Variants in KRT74 observed in about 807,000 individuals in gnomAD.
The protein encoded by KRT74 is keratin, type II cytoskeletal 74.
A neutral mutation model predicts 42.7 loss-of-function variants in KRT74; 43 were observed. That is an observed-to-expected ratio of 1.01 (90% confidence interval 0.79 to 1.30). The LOEUF is 1.30. Ranked by LOEUF, KRT74 falls within the 50% of genes most tolerant of loss-of-function variation. The pLI is 0.00. For synonymous variants in KRT74, 302 were observed against 279.0 expected (o/e 1.08, Z -0.82); for missense variants, 736 against 689.1 (o/e 1.07, Z -0.76).
intron 8 of KRT74, 43 bp from the exon 9 acceptor site, chr12:52,567,211 A>G (rs1939397018): frequency 1.4e-6 from 2 of 1,481,406 alleles, no homozygotes. Context: ...AGCAGTGTCA[A>G]TCAGCAGATA....
At chr12:52,567,959 G>A (rs1939407848) in intron 7 of KRT74, among the ~76,000 whole-genome samples, 1 of 151,688 alleles carries the variant, frequency 6.6e-6, no homozygotes, top group South Asian at 2.1e-4. Context: ...GTCTGTCTGA[G>A]CCCCCGGTTC....
Position 52,572,561 on chromosome 12 carries a change from C to T in KRT74, c.578G>A (p.Gly193Asp), listed in dbSNP as rs749749270. ...CKKNLEPILE[G>D]YISNLRKQLE... is the part of the protein sequence containing the mutation. ...CTGCTTCCGCAGGTTGCTGATGTAG[C>T]CCTCAAGGATGGGCTCCAGGTTCTT... Residue 193 changes from glycine to aspartate, a missense_variant, in exon 2 of 9, where the codon GGC becomes GAC. Physicochemically the swap from Gly to Asp is moderately conservative, Grantham distance 94. Transcript: ENST00000305620. The T allele has an allele frequency of 6.2e-7, 1 of 1,614,224 alleles. No individual in the cohort carries two copies. The highest frequency in any genetic ancestry group is 8.5e-7 in the Non-Finnish European group (1 of 1,180,042).
Position 52,566,750 on chromosome 12 carries a change from A to G in KRT74, c.*219T>C. On this transcript the variant is annotated 3_prime_UTR_variant, in exon 9 of 9. Coordinates refer to ENST00000305620, the MANE Select transcript of KRT74 (RefSeq NM_175053.4). ...CTCCTGCCAGCCAAAGGCAGCGAGG[A>G]AAATGAGAAGTCGTTAGTCCACATG... 1 of 435,086 alleles carries G rather than the reference A, an allele frequency of 2.3e-6. No homozygotes were observed. 27.0% of individuals were successfully genotyped at this position (435,086 alleles called of 1,614,324 possible).
chr12:52,571,836 C>T, intron 3 of KRT74, 108 bp downstream of exon 3: 2 of 840,194 alleles, frequency 2.4e-6, no homozygotes, highest in Non-Finnish European at 2.1e-6. Context: ...CACCAGCCCC[C>T]TCACCAGGCA....
chr12:52,567,062 C>G lies in KRT74; in HGVS notation c.1497G>C (p.Gln499His). Residue 499 changes from glutamine (Q) to histidine (H), a missense_variant, in exon 9 of 9, where the codon CAG (glutamine) becomes CAC (histidine). Physicochemically the swap from Gln to His is conservative, Grantham distance 24. Transcript: ENST00000305620. ...AGSSGSTQSG[Q>H]TKTTEARGGD... is the part of the protein sequence containing the mutation. The stretch of plus-strand genomic sequence containing the variant: ...CCCCTCGCGCCTCTGTGGTCTTGGT[C>G]TGCCCGCTCTGGGTGCTGCCAGAGC... The G allele has an allele frequency of 6.3e-7, 1 of 1,595,132 alleles. No homozygotes were observed. Among genetic ancestry groups the G allele is most frequent in the South Asian group, 1.1e-5 (1 of 89,476 alleles).
Position 52,568,215 on chromosome 12 carries a change from T to A in KRT74, c.1309A>T (p.Met437Leu). ...AGCTTGCGGTAGGTGGCAATCTCCA[T>A]GTCCAGGGCCAGTTTCAGGCTCATG... ...ELMSLKLALD[M>L]EIATYRKLLE... The change falls in exon 7 of 9, where the codon ATG becomes TTG. Residue 437 changes from methionine (M) to leucine (L), a missense_variant. Physicochemically the swap from Met to Leu is conservative, Grantham distance 15 (BLOSUM62 2). Coordinates refer to ENST00000305620, the MANE Select transcript of KRT74 (RefSeq NM_175053.4). 6.2e-7 allele frequency: 1 copy of A among 1,614,208 alleles called. No homozygotes were observed. Among genetic ancestry groups the A allele is most frequent in the Non-Finnish European group, 8.5e-7 (1 of 1,180,022 alleles).
In KRT74 at chr12:52,569,607, C is replaced by T. The variant is rs910282683; in HGVS notation, c.1134+252G>A. On this transcript the variant is annotated intron_variant, in intron 6 of 8. Coordinates refer to ENST00000305620, the MANE Select transcript of KRT74 (RefSeq NM_175053.4). ...GGGGGCTCTGGGAAAGTCCCTTCCCCTTCCCAGCCCAGTTGCTTTATCTGC... is the reference window on the plus strand; with the variant it reads ...GGGGGCTCTGGGAAAGTCCCTTCCCTTTCCCAGCCCAGTTGCTTTATCTGC... The T allele has an allele frequency of 2.2e-5, 13 of 602,926 alleles. No individual in the cohort carries two copies. In the African/African-American group the frequency reaches 2.4e-4, roughly 11 times the overall value. The allele number at this position is 602,926 out of a possible 1,614,324, so 37.3% of individuals were successfully genotyped here. A position where few individuals can be genotyped will look rare whatever the true frequency, so the allele number is the denominator to read the frequency against.
chr12:52,566,802 T>G lies in KRT74; in HGVS notation c.*167A>C, dbSNP rs1355424899. The G allele has an allele frequency of 1.8e-5, 10 of 541,314 alleles. No individual in the cohort carries two copies. The Admixed American group carries it at 2.0e-4, about 11-fold the overall frequency. 33.5% of individuals were successfully genotyped at this position (541,314 alleles called of 1,614,324 possible). On this transcript the variant is annotated 3_prime_UTR_variant, in exon 9 of 9. Coordinates refer to ENST00000305620, the MANE Select transcript of KRT74 (RefSeq NM_175053.4). Reference sequence around the variant, plus strand: ...GACCTAAGGAAACAGGGAAGGTGACTGTGTCAATCAGAGCTTGAAAGTAAA... The same window carrying G: ...GACCTAAGGAAACAGGGAAGGTGACGGTGTCAATCAGAGCTTGAAAGTAAA...
Position 52,573,469 on chromosome 12 carries a change from A to ACATGCAGGC in KRT74, c.300_308dup (p.Ala102_Cys103insTrpProAla). ...TGCCCCCAGGTGGGCACACAGACAAACATGCAGGCCCCAGGGCCACACTGC... is the reference window on the plus strand; with the variant it reads ...TGCCCCCAGGTGGGCACACAGACAAACATGCAGGCCATGCAGGCCCCAGGGCCACACTGC... On this transcript the variant is annotated inframe_insertion, in exon 1 of 9. Transcript: ENST00000305620. The ACATGCAGGC allele has an allele frequency of 6.2e-7, 1 of 1,614,164 alleles. No individual in the cohort carries two copies. The highest frequency in any genetic ancestry group is 8.5e-7 in the Non-Finnish European group (1 of 1,180,038).
rs1386731438 is a variant in KRT74, at chr12:52,566,633, TC to T, written c.*335del. 3.7e-6 allele frequency: 1 copy of T among 270,262 alleles called. No individual in the cohort carries two copies. Among genetic ancestry groups the T allele is most frequent in the Non-Finnish European group, 6.9e-6 (1 of 144,218 alleles). 16.7% of individuals were successfully genotyped at this position (270,262 alleles called of 1,614,324 possible). On this transcript the variant is annotated 3_prime_UTR_variant, in exon 9 of 9. Transcript: ENST00000305620. Reference sequence around the variant, plus strand: ...CCTAAGCACAGAACAAACCAGCCCCTCCCCTGTCGTCTCCTGCTCCTTCCCT... The same window carrying T: ...CCTAAGCACAGAACAAACCAGCCCCTCCCTGTCGTCTCCTGCTCCTTCCCT...
intron 5 of KRT74, 73 bp downstream of exon 5, chr12:52,570,596 C>A: frequency 6.6e-6 from 10 of 1,517,532 alleles, no homozygotes; most frequent in Non-Finnish European, 9.1e-6. Flanking sequence ...AAGTATTCCT[C>A]ACATTCACTG....
chr12:52,573,094 T>G (rs1939516104), intron 1 of KRT74, among the ~76,000 whole-genome samples: 1 of 152,148 alleles, frequency 6.6e-6, no homozygotes, highest in Non-Finnish European at 1.5e-5. Flanking sequence ...CAGCTTCCCA[T>G]CCTTCCCTGC....
Position 52,566,790 on chromosome 12 carries a change from A to C in KRT74, c.*179T>G. 1 of 514,172 alleles carries C rather than the reference A, an allele frequency of 1.9e-6. No individual in the cohort carries two copies. The highest frequency in any genetic ancestry group is 2.9e-5 in the East Asian group (1 of 34,870). The allele number at this position is 514,172 out of a possible 1,614,324, so 31.9% of individuals were successfully genotyped here. The stretch of plus-strand genomic sequence containing the variant: ...TAGTCCACATGGGACCTAAGGAAAC[A>C]GGGAAGGTGACTGTGTCAATCAGAG... On this transcript the variant is annotated 3_prime_UTR_variant, in exon 9 of 9. Coordinates refer to ENST00000305620, the MANE Select transcript of KRT74 (RefSeq NM_175053.4).
In KRT74 at chr12:52,566,550, G is replaced by A. The variant is rs886988782; in HGVS notation, c.*419C>T. 8 of 169,072 alleles carry A rather than the reference G, an allele frequency of 4.7e-5. No homozygotes were observed. The highest frequency in any genetic ancestry group is 1.2e-4 in the African/African-American group (5 of 42,214). The allele number at this position is 169,072 out of a possible 1,614,324, so 10.5% of individuals were successfully genotyped here. On this transcript the variant is annotated 3_prime_UTR_variant, in exon 9 of 9. Transcript: ENST00000305620. ...TTCTCACCACCTGCTTACAGGTCTCGTGTCACCCCACCATGCTGGCAGGGG... is the reference window on the plus strand; with the variant it reads ...TTCTCACCACCTGCTTACAGGTCTCATGTCACCCCACCATGCTGGCAGGGG...
Position 52,566,549 on chromosome 12 carries a change from C to T in KRT74, c.*420G>A, listed in dbSNP as rs947310946. On this transcript the variant is annotated 3_prime_UTR_variant, in exon 9 of 9. Coordinates refer to ENST00000305620, the MANE Select transcript of KRT74 (RefSeq NM_175053.4). ...CTTCTCACCACCTGCTTACAGGTCT[C>T]GTGTCACCCCACCATGCTGGCAGGG... 6.5e-5 allele frequency: 11 copies of T among 169,020 alleles called. No individual in the cohort carries two copies. Among genetic ancestry groups the T allele is most frequent in the Admixed American group, 1.9e-4 (3 of 15,842 alleles). 10.5% of individuals were successfully genotyped at this position (169,020 alleles called of 1,614,324 possible).
At chr12:52,573,075 C>G (rs973595090) in intron 1 of KRT74, among the ~76,000 whole-genome samples, 1 of 152,198 alleles carries the variant, frequency 6.6e-6, no homozygotes, top group African/African-American at 2.4e-5. Context: ...GGAAGGGCTG[C>G]TCTTTACCCA....
At position 52,571,397 on chromosome 12, in the gene KRT74, C is replaced by G; in HGVS notation, c.805G>C (p.Asp269His). The G allele has an allele frequency of 6.2e-7, 1 of 1,613,662 alleles. No individual in the cohort carries two copies. The highest frequency in any genetic ancestry group is 2.2e-5 in the East Asian group (1 of 44,874). ...CACTTGAGGAACTTGATTTCTTTGT[C>G]CAGTGAGTCCACTTTGGCCTGAAGC... ...VELQAKVDSL[D>H]KEIKFLKCLY... Residue 269 changes from aspartate to histidine, a missense_variant, in exon 4 of 9, where the codon GAC becomes CAC. Asp to His is a moderately conservative substitution (Grantham distance 81, BLOSUM62 -1). Coordinates refer to ENST00000305620, the MANE Select transcript of KRT74 (RefSeq NM_175053.4).
rs1246114762 is a variant in KRT74, at chr12:52,567,157, T to G, written c.1402A>C (p.Ser468Arg). ...GGGTGGTGGTAGCTGTAGCTGCTAC[T>G]GCTGATGACAGCTGAGGAGGAGGGG... ...PSSVSISVISSSSYSYHHPSS... is the reference protein window; with the variant it reads ...PSSVSISVISRSSYSYHHPSS... The change falls in exon 9 of 9, where the codon AGT becomes CGT. Residue 468 changes from serine (S) to arginine (R), a missense_variant. Physicochemically the swap from Ser to Arg is moderately radical, Grantham distance 110. Coordinates refer to ENST00000305620, the MANE Select transcript of KRT74 (RefSeq NM_175053.4). 1.9e-6 allele frequency: 3 copies of G among 1,599,490 alleles called. No individual in the cohort carries two copies. Among genetic ancestry groups the G allele is most frequent in the Admixed American group, 3.4e-5 (2 of 59,092 alleles).
chr12:52,571,846 A>G, intron 3 of KRT74, 98 bp downstream of exon 3: 2 of 888,140 alleles, frequency 2.3e-6, no homozygotes, highest in Non-Finnish European at 3.9e-6. Flanking sequence ...CTCACCAGGC[A>G]CCAGCCCCCT....
Sources: gnomAD v4.1 joint callset for allele counts (sites outside exome capture counted in the v4.1 genomes callset) on GRCh38, gnomAD v4.1.1 for gene constraint, MANE v1.5 for transcripts, NCBI Gene and HGNC (gene_info 2026-07-23, HGNC 2026-07-21) for gene names.